SAMD5: variants seen among roughly 807,000 people sequenced by gnomAD.
SAMD5 encodes sterile alpha motif domain containing 5.
In SAMD5, 13 loss-of-function variants were observed where a neutral mutation model predicts 11.3. That is an observed-to-expected ratio of 1.15 (90% confidence interval 0.75 to 1.83). SAMD5 has a LOEUF of 1.83. Among genes scored for constraint, SAMD5 ranks in the 40% most tolerant of loss-of-function variants. The pLI, the probability that SAMD5 is intolerant of heterozygous loss-of-function variation, is 0.00. For synonymous variants in SAMD5, 129 were observed against 111.3 expected (o/e 1.16, Z -1.00); for missense variants, 255 against 239.1 (o/e 1.07, Z -0.44).
the SAMD5 span, among the ~76,000 whole-genome samples, chr6:147,883,047 A>G: frequency 1.3e-5 from 2 of 152,184 alleles, no homozygotes; most frequent in African/African-American, 4.8e-5. Context: ...GGAAGAAGCA[A>G]TTGCTTCCGA....
At chr6:147,785,678 G>A in the SAMD5 span, among the ~76,000 whole-genome samples, 1 of 152,142 alleles carries the variant, frequency 6.6e-6, no homozygotes, top group African/African-American at 2.4e-5. Context: ...TATATAAATA[G>A]TGTGGTGACA....
intron 1 of SAMD5, among the ~76,000 whole-genome samples, chr6:147,582,527 G>A (rs1404825927): frequency 1.3e-5 from 2 of 152,200 alleles, no homozygotes; most frequent in Non-Finnish European, 2.9e-5. Context: ...AAGCATCCCA[G>A]TCCAAGTGAG....
At chr6:147,902,910 T>C in the SAMD5 span, among the ~76,000 whole-genome samples, 1 of 152,224 alleles carries the variant, frequency 6.6e-6, no homozygotes, top group Non-Finnish European at 1.5e-5. Context: ...CCTTTTTGGA[T>C]TTCCTATAAA....
chr6:147,919,103 C>G, the SAMD5 span, among the ~76,000 whole-genome samples: 2 of 152,088 alleles, frequency 1.3e-5, no homozygotes, highest in Non-Finnish European at 2.9e-5. Context: ...AGTTTGGATG[C>G]CTTATCTGTC....
chr6:147,640,483 G>A (rs1213564453), intron 1 of SAMD5, among the ~76,000 whole-genome samples: 1 of 97,798 alleles, frequency 1.0e-5, no homozygotes, highest in African/African-American at 3.9e-5. Flanking sequence ...GGTGACAAGA[G>A]CAAGACTCTG....
intron 1 of SAMD5, among the ~76,000 whole-genome samples, chr6:147,523,883 G>T (rs1196286713): frequency 6.6e-6 from 1 of 152,130 alleles, no homozygotes; most frequent in Non-Finnish European, 1.5e-5. Flanking sequence ...CAAACTCAGT[G>T]TATCTCTGGC....
In SAMD5 at chr6:147,566,024, G is replaced by C. The variant is rs1789035014; in HGVS notation, c.*1568G>C. ...AGAAACTTACATTCACTTTTTCCTGGTCCATTTTGGTTCCTAAGAATAGAT... is the reference window on the plus strand; with the variant it reads ...AGAAACTTACATTCACTTTTTCCTGCTCCATTTTGGTTCCTAAGAATAGAT... On this transcript the variant is annotated 3_prime_UTR_variant, in exon 2 of 2. Transcript: ENST00000367474. 2 of 985,126 alleles carry C rather than the reference G, an allele frequency of 2.0e-6. No homozygotes were observed. Among genetic ancestry groups the C allele is most frequent in the African/African-American group, 3.5e-5 (2 of 57,202 alleles). 61.0% of individuals were successfully genotyped at this position (985,126 alleles called of 1,614,324 possible). A position where few individuals can be genotyped will look rare whatever the true frequency, so the allele number is the denominator to read the frequency against.
intron 1 of SAMD5, among the ~76,000 whole-genome samples, chr6:147,586,555 A>ATC (rs1789377360): frequency 6.6e-6 from 1 of 152,170 alleles, no homozygotes; most frequent in Non-Finnish European, 1.5e-5. Flanking sequence ...ATTTAAACTA[A>ATC]TCAACGTTAC....
At chr6:147,585,440 G>T (rs1359593179) in intron 1 of SAMD5, among the ~76,000 whole-genome samples, 1 of 152,132 alleles carries the variant, frequency 6.6e-6, no homozygotes. Context: ...TTGCTCTTAA[G>T]AGCTGTGACG....
intron 1 of SAMD5, among the ~76,000 whole-genome samples, chr6:147,525,298 A>G (rs1788319371): frequency 6.9e-6 from 1 of 145,202 alleles, no homozygotes; most frequent in South Asian, 2.4e-4. Flanking sequence ...ATGGGCATCT[A>G]GTATGGCAGG....
chr6:147,860,320 T>C, the SAMD5 span, among the ~76,000 whole-genome samples: 1 of 152,200 alleles, frequency 6.6e-6, no homozygotes, highest in Non-Finnish European at 1.5e-5. Flanking sequence ...TAAAACTTCA[T>C]TTGAACTACA....
chr6:147,563,453 C>T (rs1193973620), intron 1 of SAMD5, among the ~76,000 whole-genome samples: 1 of 152,154 alleles, frequency 6.6e-6, no homozygotes, highest in African/African-American at 2.4e-5. Context: ...AAAAGTTTTC[C>T]AATTCAATAA....
chr6:147,605,818 T>A (rs1329445095), intron 1 of SAMD5, among the ~76,000 whole-genome samples: 1 of 152,128 alleles, frequency 6.6e-6, no homozygotes, highest in African/African-American at 2.4e-5. Flanking sequence ...ATGGGCAGTG[T>A]ACCTTAAAAG....
At chr6:147,919,826 C>T in the SAMD5 span, among the ~76,000 whole-genome samples, 1 of 152,214 alleles carries the variant, frequency 6.6e-6, no homozygotes, top group African/African-American at 2.4e-5. Flanking sequence ...GAGATTATCA[C>T]ATCTGTCCTC....
At chr6:147,642,514 G>A (rs1308559620) in intron 1 of SAMD5, among the ~76,000 whole-genome samples, 1 of 152,160 alleles carries the variant, frequency 6.6e-6, no homozygotes, top group African/African-American at 2.4e-5. Flanking sequence ...CCCTGCTCAT[G>A]TTCCACATTC....
At chr6:147,730,074 C>CAAAAAAAAAAAAAAAAAAAAAAAAA in intron 1 of SAMD5, 3 of 305,110 alleles carry the variant, frequency 9.8e-6, no homozygotes, top group Non-Finnish European at 1.2e-5. Flanking sequence ...GACTCTGTCT[C>CAAAAAAAAAAAAAAAAAAAAAAAAA]AAAAAAAAAA....
intron 1 of SAMD5, among the ~76,000 whole-genome samples, chr6:147,590,101 A>G (rs182172776): frequency 5.8e-4 from 88 of 152,290 alleles, no homozygotes; most frequent in Middle Eastern, 3.4e-3. Context: ...ACTTACTCTT[A>G]AAGGGTATAT....
chr6:147,745,777 CTTTTTTTTTT>C, the SAMD5 span, among the ~76,000 whole-genome samples: 1,733 of 133,248 alleles, frequency 0.013, 21 homozygotes, highest in Middle Eastern at 0.036. Context: ...TTCTTTCTTT[CTTTTTTTTTT>C]TTTTTTTTTG....
chr6:147,520,259 A>C (rs891794015), intron 1 of SAMD5, among the ~76,000 whole-genome samples: 1 of 152,072 alleles, frequency 6.6e-6, no homozygotes, highest in African/African-American at 2.4e-5. Context: ...CTGGGACTAC[A>C]GGCACTGCCA....
Sources: gnomAD v4.1 joint callset for allele counts (sites outside exome capture counted in the v4.1 genomes callset) on GRCh38, gnomAD v4.1.1 for gene constraint, MANE v1.5 for transcripts, NCBI Gene and HGNC (gene_info 2026-07-23, HGNC 2026-07-21) for gene names.